Variants in TRAPPC8 observed in about 807,000 individuals in gnomAD.
TRAPPC8 encodes the protein trafficking protein particle complex subunit 8.
Under a neutral mutation model 174.3 loss-of-function variants are expected in TRAPPC8, and 54 were observed. The observed-to-expected ratio is 0.31, with a 90% confidence interval of 0.25 to 0.39. The LOEUF is 0.39. Among genes scored for constraint, TRAPPC8 ranks in the 10% least tolerant of loss-of-function variants. The probability of loss-of-function intolerance (pLI) is 1.00; values close to 1 mark genes in which losing one functional copy is unlikely to be tolerated. For missense variants in TRAPPC8, 1,531 were observed against 1,699.1 expected, an observed-to-expected ratio of 0.90 and a Z score of 1.74; for synonymous variants, 630 against 579.9, an observed-to-expected ratio of 1.09 and a Z score of -1.24.
At chr18:31,895,352 A>T (rs552371266) in intron 11 of TRAPPC8, among the ~76,000 whole-genome samples, 1 of 152,330 alleles carries the variant, frequency 6.6e-6, no homozygotes, top group South Asian at 2.1e-4. Flanking sequence ...TCTCAAAGAA[A>T]TTTATGAAAG....
At chr18:31,848,945 A>AT (rs1245515614) in intron 25 of TRAPPC8, among the ~76,000 whole-genome samples, 2 of 151,476 alleles carry the variant, frequency 1.3e-5, no homozygotes, top group East Asian at 1.9e-4. Context: ...TTTGGATCTG[A>AT]TTTTTTTTTA....
At chr18:31,859,092 CAA>C (rs1241257412) in intron 19 of TRAPPC8, among the ~76,000 whole-genome samples, 39 of 136,866 alleles carry the variant, frequency 2.8e-4, no homozygotes, top group African/African-American at 1.1e-3. Flanking sequence ...GACCCCATCT[CAA>C]AAAACAAACA....
Position 31,908,915 on chromosome 18 carries a change from C to G in TRAPPC8, c.961G>C (p.Ala321Pro). The change falls in exon 7 of 29, where the codon GCT becomes CCT. Residue 321 changes from alanine to proline, a missense_variant. By Grantham distance (27) the Ala-to-Pro change is conservative (BLOSUM62 -1). Transcript: ENST00000283351. Reference sequence around the variant, plus strand: ...TTCTTTGTTTCATGTAACGATGAAGCAGATCTTAGATGATCTGGGCCATCA... The same window carrying G: ...TTCTTTGTTTCATGTAACGATGAAGGAGATCTTAGATGATCTGGGCCATCA... ...SIDGPDHLRS[A>P]SSLHETKKGN... 31 of 1,613,654 alleles carry G rather than the reference C, an allele frequency of 1.9e-5. No individual in the cohort carries two copies. Among genetic ancestry groups the G allele is most frequent in the Non-Finnish European group, 2.5e-5 (29 of 1,179,768 alleles).
chr18:31,911,259 G>A (rs1045119153), intron 5 of TRAPPC8, among the ~76,000 whole-genome samples: 1 of 152,188 alleles, frequency 6.6e-6, no homozygotes, highest in African/African-American at 2.4e-5. Flanking sequence ...GCTTACGCCT[G>A]TAATATCAAC....
At chr18:31,932,195 C>T (rs1273814534) in intron 1 of TRAPPC8, among the ~76,000 whole-genome samples, 1 of 151,836 alleles carries the variant, frequency 6.6e-6, no homozygotes, top group Non-Finnish European at 1.5e-5. Flanking sequence ...TTTGGGAGGC[C>T]GAGACAGACA....
chr18:31,849,452 T>C (rs2145038766), intron 25 of TRAPPC8, 114 bp downstream of exon 25: 3 of 969,182 alleles, frequency 3.1e-6, no homozygotes, highest in South Asian at 7.5e-5. Context: ...AGTTTCAATA[T>C]TGAAACTAGA....
chr18:31,931,235 T>TA (rs2145625393), intron 2 of TRAPPC8, 94 bp downstream of exon 2: 1 of 1,221,750 alleles, frequency 8.2e-7, no homozygotes, highest in South Asian at 1.9e-5. Flanking sequence ...AGTAAACTCT[T>TA]AAATACATGT....
chr18:31,915,989 G>A lies in TRAPPC8; in HGVS notation c.617+283C>T, dbSNP rs1164045544. 1.0e-4 allele frequency among the ~76,000 whole-genome samples: 15 copies of A among 150,080 alleles called. 1 individual carries two copies. The highest frequency in any genetic ancestry group is 6.0e-4 in the Admixed American group (9 of 15,092). Reference sequence around the variant, plus strand: ...GGAGAATTGCTTGAACCCAGGAGGCGGAGGTTGCAGTGAGCCAAGATCGTG... The same window carrying A: ...GGAGAATTGCTTGAACCCAGGAGGCAGAGGTTGCAGTGAGCCAAGATCGTG... On this transcript the variant is annotated intron_variant, in intron 4 of 28. Transcript: ENST00000283351.
intron 27 of TRAPPC8, 76 bp from the exon 28 acceptor site, chr18:31,832,249 A>G: frequency 2.5e-6 from 2 of 785,342 alleles, no homozygotes; most frequent in Non-Finnish European, 3.6e-6. Context: ...ATAACACTTA[A>G]GACTATGTAA....
intron 12 of TRAPPC8, among the ~76,000 whole-genome samples, chr18:31,875,377 A>G (rs2035093127): frequency 6.6e-6 from 1 of 151,146 alleles, no homozygotes. Flanking sequence ...TTCTATATTA[A>G]AAATTCACAT....
At chr18:31,867,222 C>T (rs1331745700) in intron 17 of TRAPPC8, among the ~76,000 whole-genome samples, 180 bp downstream of exon 17, 1 of 152,108 alleles carries the variant, frequency 6.6e-6, no homozygotes, top group African/African-American at 2.4e-5. Flanking sequence ...AGGAAACTAA[C>T]AAATCAAAGA....
chr18:31,893,534 T>C lies in TRAPPC8; in HGVS notation c.1597-2668A>G, dbSNP rs2036057448. 3.9e-5 allele frequency among the ~76,000 whole-genome samples: 6 copies of C among 152,278 alleles called. No homozygotes were observed. In the South Asian group the frequency reaches 1.2e-3, roughly 32 times the overall value. On this transcript the variant is annotated intron_variant, in intron 11 of 28. Coordinates refer to ENST00000283351, the MANE Select transcript of TRAPPC8 (RefSeq NM_014939.5). ...CCAAACAGCTGGTTAGATATCACAA[T>C]ACCATTTTGTGAGTAAGTTAACTTT...
Position 31,874,834 on chromosome 18 carries a change from G to A in TRAPPC8, c.1729-130C>T, listed in dbSNP as rs995875942. On this transcript the variant is annotated intron_variant, in intron 12 of 28. Coordinates refer to ENST00000283351, the MANE Select transcript of TRAPPC8 (RefSeq NM_014939.5). ...CTCTAAGGGGGACTGGGATAATGAA[G>A]AAAATAAAACTAACATTTATGATAA... The A allele has an allele frequency of 2.7e-5, 19 of 710,574 alleles. No individual in the cohort carries two copies. The East Asian group carries it at 4.1e-4, about 15-fold the overall frequency. 44.0% of individuals were successfully genotyped at this position (710,574 alleles called of 1,614,324 possible).
At chr18:31,921,361 C>T (rs2037380645) in intron 2 of TRAPPC8, among the ~76,000 whole-genome samples, 1 of 152,128 alleles carries the variant, frequency 6.6e-6, no homozygotes, top group Non-Finnish European at 1.5e-5. Context: ...CGCCTGTAAT[C>T]CCAACACTTT....
chr18:31,896,507 T>C (rs2036190778), intron 11 of TRAPPC8: 1 of 138,022 alleles, frequency 7.2e-6, no homozygotes, highest in African/African-American at 2.7e-5. Flanking sequence ...CTTGAGCAAA[T>C]AGAGGGCTAG....
chr18:31,902,077 G>A (rs981105300), intron 9 of TRAPPC8, among the ~76,000 whole-genome samples: 4 of 152,336 alleles, frequency 2.6e-5, no homozygotes, highest in African/African-American at 7.2e-5. Context: ...CACTTTGGGA[G>A]GCTTAGGCGG....
chr18:31,872,034 T>C (rs2034890552), intron 14 of TRAPPC8, among the ~76,000 whole-genome samples: 1 of 152,140 alleles, frequency 6.6e-6, no homozygotes, highest in South Asian at 2.1e-4. Context: ...TACAGACATA[T>C]TTTCTTGGTG....
At chr18:31,870,258 G>T in intron 16 of TRAPPC8, 114 bp downstream of exon 16, 1 of 973,780 alleles carries the variant, frequency 1.0e-6, no homozygotes. Context: ...TATAACTAAG[G>T]AAAAATAAAC....
chr18:31,868,515 T>C (rs1298491604), intron 16 of TRAPPC8, among the ~76,000 whole-genome samples: 1 of 152,158 alleles, frequency 6.6e-6, no homozygotes, highest in African/African-American at 2.4e-5. Flanking sequence ...TAACCGCTCA[T>C]ACTGAGTATT....
Sources: allele counts gnomAD v4.1 joint callset (sites outside exome capture counted in the v4.1 genomes callset), GRCh38; gene constraint gnomAD v4.1.1; transcripts MANE v1.5; gene names NCBI Gene and HGNC (gene_info 2026-07-23, HGNC 2026-07-21).